TDRD5: variants seen among roughly 807,000 people sequenced by gnomAD.
TDRD5 encodes the protein tudor domain containing 5, also known as tudor domain-containing protein 5.
In TDRD5, 41 loss-of-function variants were observed where a neutral mutation model predicts 120.6. That is an observed-to-expected ratio of 0.34 (90% CI 0.26 to 0.44). The LOEUF (loss-of-function observed/expected upper bound fraction) is 0.44, where lower values mean the gene tolerates loss of function less well. Among genes scored for constraint, TDRD5 ranks in the 20% least tolerant of loss-of-function variants. The pLI is 1.00. For missense variants in TDRD5, 1,006 were observed against 1,221.2 expected (o/e 0.82, Z 2.63); for synonymous variants, 430 against 433.7 (o/e 0.99, Z 0.11).
At chr1:179,673,274 A>G (rs1679948810) in intron 17 of TDRD5, among the ~76,000 whole-genome samples, 1 of 152,098 alleles carries the variant, frequency 6.6e-6, no homozygotes, top group Admixed American at 6.6e-5. Context: ...GATTTCTTTC[A>G]GCAGTGTTTT....
intron 8 of TDRD5, 102 bp downstream of exon 8, chr1:179,634,731 T>C: frequency 7.8e-7 from 1 of 1,285,054 alleles, no homozygotes; most frequent in Non-Finnish European, 1.0e-6. Context: ...AAGTCTTATT[T>C]CTGGATATAT....
intron 3 of TDRD5, among the ~76,000 whole-genome samples, chr1:179,595,238 C>A (rs1417782296): frequency 6.6e-6 from 1 of 152,126 alleles, no homozygotes; most frequent in Non-Finnish European, 1.5e-5. Flanking sequence ...CCTCCCAGAA[C>A]TGTGGTACTA....
chr1:179,604,572 C>T (rs1428577059), intron 4 of TDRD5, among the ~76,000 whole-genome samples: 2 of 151,836 alleles, frequency 1.3e-5, no homozygotes, highest in Non-Finnish European at 2.9e-5. Flanking sequence ...TTTTGATAGA[C>T]CGTGTCATTA....
chr1:179,675,275 T>TATTTTA (rs573077045), intron 17 of TDRD5, among the ~76,000 whole-genome samples: 970 of 48,356 alleles, frequency 0.02, 6 homozygotes, highest in African/African-American at 0.041. Context: ...TTATTATTAT[T>TATTTTA]TTTTTTTTTT....
In TDRD5 at chr1:179,621,020, C is replaced by A. The variant is rs760374346; in HGVS notation, c.916-15C>A. On this transcript the variant is annotated splice_polypyrimidine_tract_variant and intron_variant, in intron 5 of 17. Coordinates refer to ENST00000444136, the MANE Select transcript of TDRD5 (RefSeq NM_001199085.3). ...TTCAGTGTGTCTATATTGTATTTCACTTTCTATTTGTTAGGTTGTATCTAA... is the reference window on the plus strand; with the variant it reads ...TTCAGTGTGTCTATATTGTATTTCAATTTCTATTTGTTAGGTTGTATCTAA... The A allele has an allele frequency of 8.6e-5, 137 of 1,586,440 alleles. No individual in the cohort carries two copies. Among genetic ancestry groups the A allele is most frequent in the African/African-American group, 1.4e-5 (1 of 73,272 alleles).
chr1:179,639,386 TA>T (rs896126402), intron 9 of TDRD5, among the ~76,000 whole-genome samples: 16 of 151,812 alleles, frequency 1.1e-4, no homozygotes, highest in African/African-American at 2.9e-4. Flanking sequence ...ACAGAGCCAA[TA>T]AAAAAAATAA....
At chr1:179,654,537 G>A (rs1407894064) in intron 14 of TDRD5, among the ~76,000 whole-genome samples, 175 bp downstream of exon 14, 3 of 152,092 alleles carry the variant, frequency 2.0e-5, no homozygotes, top group Admixed American at 6.6e-5. Flanking sequence ...GGCTGAGGTG[G>A]GCGGATCACT....
chr1:179,642,773 C>T (rs1678125632), intron 11 of TDRD5, among the ~76,000 whole-genome samples: 2 of 152,166 alleles, frequency 1.3e-5, no homozygotes, highest in East Asian at 1.9e-4. Context: ...ATGAATCTCT[C>T]ACTTTATTTC....
In TDRD5 at chr1:179,630,897, C is replaced by T. The variant is rs113046765; in HGVS notation, c.1103C>T (p.Ala368Val). 2.2e-5 allele frequency: 36 copies of T among 1,612,474 alleles called. No individual in the cohort carries two copies. The highest frequency in any genetic ancestry group is 5.3e-5 in the African/African-American group (4 of 74,822). Residue 368 changes from alanine to valine, a missense_variant, in exon 7 of 18, where the codon GCG (alanine) becomes GTG (valine). Physicochemically the swap from Ala to Val is moderately conservative, Grantham distance 64. This residue lies in a region of TDRD5 where 445 missense variants were observed against 515.5 expected (regional missense o/e 0.86). Transcript: ENST00000444136. Reference sequence around the variant, plus strand: ...CACCAAGACTTACTAGTGTTTGATGCGGATAAGAAGCCTCTACCACCTGGT... The same window carrying T: ...CACCAAGACTTACTAGTGTTTGATGTGGATAAGAAGCCTCTACCACCTGGT... ...KGHQDLLVFD[A>V]DKKPLPPVQS...
At chr1:179,669,019 C>T (rs1268320019) in intron 16 of TDRD5, among the ~76,000 whole-genome samples, 175 bp from the exon 17 acceptor site, 1 of 152,118 alleles carries the variant, frequency 6.6e-6, no homozygotes, top group African/African-American at 2.4e-5. Flanking sequence ...GCTAGGATTA[C>T]AGGCGTGAGC....
intron 4 of TDRD5, among the ~76,000 whole-genome samples, chr1:179,601,772 C>T (rs1675726038): frequency 6.6e-6 from 1 of 152,180 alleles, no homozygotes; most frequent in South Asian, 2.1e-4. Flanking sequence ...TGGGTAGATA[C>T]CCAGTAGTGG....
Position 179,691,087 on chromosome 1 carries a change from T to A in TDRD5, c.*144T>A. The A allele has an allele frequency of 9.4e-6, 10 of 1,060,200 alleles. No homozygotes were observed. The highest frequency in any genetic ancestry group is 1.6e-5 in the African/African-American group (1 of 62,650). 65.7% of individuals were successfully genotyped at this position (1,060,200 alleles called of 1,614,324 possible). Reference sequence around the variant, plus strand: ...TTCTGTGACTATATGTTAGCTTTATTATGCTAACAGTCTACTTTGATGTGT... The same window carrying A: ...TTCTGTGACTATATGTTAGCTTTATAATGCTAACAGTCTACTTTGATGTGT... On this transcript the variant is annotated 3_prime_UTR_variant, in exon 18 of 18. Coordinates refer to ENST00000444136, the MANE Select transcript of TDRD5 (RefSeq NM_001199085.3).
chr1:179,667,001 A>T (rs1369612131), intron 16 of TDRD5, among the ~76,000 whole-genome samples: 1 of 152,202 alleles, frequency 6.6e-6, no homozygotes, highest in African/African-American at 2.4e-5. Context: ...AATCTGGTAG[A>T]GCAGTGCTTC....
chr1:179,649,423 C>T (rs192512404), intron 11 of TDRD5, among the ~76,000 whole-genome samples: 1 of 152,166 alleles, frequency 6.6e-6, no homozygotes, highest in East Asian at 1.9e-4. Context: ...TCGTATTTTA[C>T]ATCTGTCTGT....
intron 4 of TDRD5, among the ~76,000 whole-genome samples, chr1:179,613,922 A>G (rs1676420432): frequency 6.6e-6 from 1 of 152,218 alleles, no homozygotes; most frequent in South Asian, 2.1e-4. Flanking sequence ...GATCTTTGTA[A>G]GAAATGTATT....
At chr1:179,647,791 T>C (rs1039351087) in intron 11 of TDRD5, among the ~76,000 whole-genome samples, 1 of 148,458 alleles carries the variant, frequency 6.7e-6, no homozygotes, top group African/African-American at 2.5e-5. Flanking sequence ...GCAAAGGACA[T>C]GAACAGACAC....
chr1:179,678,043 C>G (rs1451155291), intron 17 of TDRD5, among the ~76,000 whole-genome samples: 1 of 151,906 alleles, frequency 6.6e-6, no homozygotes, highest in African/African-American at 2.4e-5. Flanking sequence ...ACAGGTGTGT[C>G]TGAGCTTAGC....
intron 11 of TDRD5, among the ~76,000 whole-genome samples, chr1:179,645,839 A>G (rs1360881145): frequency 1.3e-5 from 2 of 151,706 alleles, no homozygotes; most frequent in African/African-American, 2.4e-5. Context: ...TAACCTCTTT[A>G]TTTCTACTAA....
intron 15 of TDRD5, 35 bp downstream of exon 15, chr1:179,662,321 CCGGG>C (rs1391092495): frequency 6.3e-6 from 10 of 1,586,210 alleles, no homozygotes; most frequent in Non-Finnish European, 8.5e-6. Context: ...GCAAATCAGG[CCGGG>C]CACTGCGGCT....
Sources: gnomAD v4.1 joint callset for allele counts (sites outside exome capture counted in the v4.1 genomes callset) on GRCh38, gnomAD v4.1.1 for gene constraint, gnomAD v4.1.1 regional missense constraint, MANE v1.5 for transcripts, NCBI Gene and HGNC (gene_info 2026-07-23, HGNC 2026-07-21) for gene names.